The following FBXW8 variants were observed in gnomAD, a reference collection of about 807,000 sequenced individuals.
The protein encoded by FBXW8 is F-box/WD repeat-containing protein 8.
FBXW8 carries 57 observed loss-of-function variants against 65.3 expected under a neutral mutation model. The observed-to-expected ratio is 0.87, with a 90% CI of 0.71 to 1.09. The LOEUF (loss-of-function observed/expected upper bound fraction) is 1.09. Ranked by LOEUF, FBXW8 falls within the 50% of genes least tolerant of loss-of-function variation. The pLI, the probability that FBXW8 is intolerant of heterozygous loss-of-function variation, is 0.00. For missense variants in FBXW8, 777 were observed against 814.8 expected, an observed-to-expected ratio of 0.95 and a Z score of 0.57; for synonymous variants, 308 against 330.2, an observed-to-expected ratio of 0.93 and a Z score of 0.73.
chr12:117,010,515 GC>G, intron 8 of FBXW8, 65 bp downstream of exon 8: 1 of 1,608,288 alleles, frequency 6.2e-7, no homozygotes. Flanking sequence ...GGCCCCCACT[GC>G]GCTGCTCACA....
intron 5 of FBXW8, chr12:116,978,430 C>G (rs1885097089): frequency 6.6e-6 from 1 of 152,166 alleles, no homozygotes; most frequent in Non-Finnish European, 1.5e-5. Flanking sequence ...GTCAAAATGC[C>G]TTTTCCTTTG....
chr12:116,929,871 CTACTCTCTACTTCT>C (rs1236082783), intron 2 of FBXW8, among the ~76,000 whole-genome samples: 13 of 152,188 alleles, frequency 8.5e-5, no homozygotes, highest in African/African-American at 3.1e-4. Flanking sequence ...AACCGCCATT[CTACTCTCTACTTCT>C]ATGAGCTCAA....
chr12:116,960,429 C>T (rs1197945726), intron 4 of FBXW8, among the ~76,000 whole-genome samples: 1 of 152,172 alleles, frequency 6.6e-6, no homozygotes, highest in Non-Finnish European at 1.5e-5. Flanking sequence ...ATTTTACCTC[C>T]TGAGTCATTT....
At position 116,961,899 on chromosome 12, in the gene FBXW8, C is replaced by T. The variant is rs76281793; in HGVS notation, c.678-2798C>T. Among the ~76,000 whole-genome samples, 17,289 of 152,116 alleles carry T rather than the reference C, an allele frequency of 0.11. 1,156 individuals carry two copies. Among genetic ancestry groups the T allele is most frequent in the Middle Eastern group, 0.22 (64 of 294 alleles). On this transcript the variant is annotated intron_variant, in intron 4 of 10. Transcript: ENST00000652555. This position sits in a 1 kb window ranked among gnomAD's most constrained non-coding sequence, Gnocchi z 4.4. ...GGGGAGGATTGAATGGAAGAAGCTC[C>T]GAATCAGGGAGCCTGTAGTAGTCGG...
At chr12:116,990,163 C>A (rs1471591197) in intron 7 of FBXW8, among the ~76,000 whole-genome samples, 2 of 152,160 alleles carry the variant, frequency 1.3e-5, no homozygotes, top group African/African-American at 4.8e-5. Context: ...ATTCTTCATC[C>A]AGGAAGATAG....
At chr12:116,985,962 T>C (rs1885651268) in intron 6 of FBXW8, 1 of 152,454 alleles carries the variant, frequency 6.6e-6, no homozygotes. Flanking sequence ...GCCTTAAGAA[T>C]TCTTTATGTC....
chr12:116,917,192 A>AT (rs1880497496), intron 1 of FBXW8, among the ~76,000 whole-genome samples: 2 of 152,200 alleles, frequency 1.3e-5, no homozygotes, highest in South Asian at 4.1e-4. Flanking sequence ...AGCTCTTCCA[A>AT]TTTTTAATTG....
chr12:117,016,268 T>C (rs1953944341), intron 8 of FBXW8, among the ~76,000 whole-genome samples: 2 of 152,260 alleles, frequency 1.3e-5, no homozygotes, highest in South Asian at 4.1e-4. Context: ...TGTACCATTT[T>C]ACATTCCCAC....
chr12:116,976,405 A>C (rs1477778005), intron 5 of FBXW8, among the ~76,000 whole-genome samples: 1 of 144,916 alleles, frequency 6.9e-6, no homozygotes. Context: ...AAAAAAATGC[A>C]TGATGATGAG....
rs17857139 is a variant in FBXW8, at chr12:116,911,173, G to A, written c.136G>A (p.Gly46Ser). ...GCGGCCGGAGGTGGGCTCCGGGCGCGGCGAACAGGCCTCGGGGGACCCGGC... is the reference window on the plus strand; with the variant it reads ...GCGGCCGGAGGTGGGCTCCGGGCGCAGCGAACAGGCCTCGGGGGACCCGGC... Reference protein sequence around the residue: ...ARRPEVGSGRGEQASGDPALA... With the variant: ...ARRPEVGSGRSEQASGDPALA... Residue 46 changes from glycine to serine, a missense_variant, in exon 1 of 11, where the codon GGC becomes AGC. By Grantham distance (56) the Gly-to-Ser change is moderately conservative. Transcript: ENST00000652555. 7.5e-7 allele frequency: 1 copy of A among 1,331,658 alleles called. No homozygotes were observed. The highest frequency in any genetic ancestry group is 2.0e-5 in the South Asian group (1 of 49,098). 82.5% of individuals were successfully genotyped at this position (1,331,658 alleles called of 1,614,324 possible). A position where few individuals can be genotyped will look rare whatever the true frequency, so the allele number is the denominator to read the frequency against.
intron 3 of FBXW8, among the ~76,000 whole-genome samples, chr12:116,948,204 T>C (rs965334825): frequency 1.3e-5 from 2 of 152,248 alleles, no homozygotes; most frequent in African/African-American, 4.8e-5. Flanking sequence ...GTGTTTTTTT[T>C]CCTAGTGTTT....
rs77465281 is a variant in FBXW8 at position 116,977,072 on chromosome 12, T to C, written c.836-8134T>C. Among the ~76,000 whole-genome samples, 264 of 152,306 alleles carry C rather than the reference T, an allele frequency of 1.7e-3. 2 individuals are homozygous for C. In the East Asian group the frequency reaches 0.04, roughly 23 times the overall value. On this transcript the variant is annotated intron_variant, in intron 5 of 10. Transcript: ENST00000652555. ...CATCTATTTGTTGGGGGGATTTGCA[T>C]TGGTATCTGAATGCCCAAGTGAGAT... is the stretch of plus-strand genomic sequence containing the variant.
chr12:116,974,648 G>A (rs1049373312), intron 5 of FBXW8, among the ~76,000 whole-genome samples: 5 of 152,208 alleles, frequency 3.3e-5, no homozygotes, highest in Middle Eastern at 3.2e-3. Flanking sequence ...GCATGGCTGA[G>A]GCAGGAGGAT....
chr12:116,977,260 T>C (rs1885005201), intron 5 of FBXW8, among the ~76,000 whole-genome samples: 1 of 152,228 alleles, frequency 6.6e-6, no homozygotes, highest in African/African-American at 2.4e-5. Context: ...ATTGATAGTA[T>C]AATTTTAAGA....
At chr12:117,002,664 G>A (rs1448896135) in intron 7 of FBXW8, 1 of 152,148 alleles carries the variant, frequency 6.6e-6, no homozygotes, top group Non-Finnish European at 1.5e-5. Flanking sequence ...AGTCTCTCTG[G>A]CTGATTGTCA....
At chr12:116,949,359 T>C in intron 3 of FBXW8, 1 of 491,208 alleles carries the variant, frequency 2.0e-6, no homozygotes. Flanking sequence ...TTCTGTAACC[T>C]CCTGGAGGAT....
chr12:116,940,161 G>A (rs1172245273), intron 2 of FBXW8, among the ~76,000 whole-genome samples: 2 of 152,208 alleles, frequency 1.3e-5, no homozygotes, highest in African/African-American at 4.8e-5. Flanking sequence ...CATGCCCAGG[G>A]TGGGCTGCTT....
rs528471043 is a variant in FBXW8 at position 117,025,722 on chromosome 12, C to T, written c.1541+1402C>T. Among the ~76,000 whole-genome samples the T allele has an allele frequency of 2.0e-5, 3 of 152,346 alleles. No individual in the cohort carries two copies. The East Asian group carries it at 5.8e-4, about 29-fold the overall frequency. ...GAATGGTGATGCACTGAATTGCCAC[C>T]AGGTGGTGCCAAACGGCAACTAAAA... On this transcript the variant is annotated intron_variant, in intron 9 of 10. Coordinates refer to ENST00000652555, the MANE Select transcript of FBXW8 (RefSeq NM_153348.3).
chr12:117,011,837 T>C (rs1299309153), intron 8 of FBXW8, among the ~76,000 whole-genome samples: 1 of 152,132 alleles, frequency 6.6e-6, no homozygotes, highest in African/African-American at 2.4e-5. Flanking sequence ...AGAAGAAACC[T>C]CTGTTTTCTG....
Sources: allele counts gnomAD v4.1 joint callset (sites outside exome capture counted in the v4.1 genomes callset), GRCh38; gene constraint gnomAD v4.1.1; non-coding constraint Gnocchi (gnomAD v3.1); transcripts MANE v1.5; gene names NCBI Gene and HGNC (gene_info 2026-07-23, HGNC 2026-07-21).